The following FSIP2 variants were observed in gnomAD, a reference collection of about 807,000 sequenced individuals.
The protein encoded by FSIP2 is fibrous sheath interacting protein 2, also known as fibrous sheath-interacting protein 2.
Under a neutral mutation model 510.5 loss-of-function variants are expected in FSIP2, and 367 were observed. The ratio of observed to expected loss-of-function variants is 0.72; its 90% CI spans 0.66 to 0.78. The LOEUF (loss-of-function observed/expected upper bound fraction) is 0.78, where lower values mean the gene tolerates loss of function less well. Among genes scored for constraint, FSIP2 ranks in the 30% least tolerant of loss-of-function variants. The probability of loss-of-function intolerance (pLI) is 0.00; values close to 1 mark genes in which losing one functional copy is unlikely to be tolerated. For missense variants in FSIP2, 7,594 were observed against 7,901.7 expected (o/e 0.96, Z 1.48); for synonymous variants, 2,601 against 2,732.2 (o/e 0.95, Z 1.50).
rs1292724087 is a variant in FSIP2, at chr2:185,802,097, G to A, written c.12791G>A (p.Ser4264Asn). 2 of 1,533,502 alleles carry A rather than the reference G, an allele frequency of 1.3e-6. No homozygotes were observed. Among genetic ancestry groups the A allele is most frequent in the African/African-American group, 1.4e-5 (1 of 72,942 alleles). The allele number at this position is 1,533,502 out of a possible 1,614,324, so 95.0% of individuals were successfully genotyped here. The change falls in exon 17 of 23, where the codon AGT (serine) becomes AAT (asparagine). Residue 4264 changes from serine to asparagine, a missense_variant. Coordinates refer to ENST00000424728, the MANE Select transcript of FSIP2 (RefSeq NM_173651.4). ...IIENHLQPFLSGEVLCHPRTP... is the reference protein window; with the variant it reads ...IIENHLQPFLNGEVLCHPRTP... ...GAAAATCATCTTCAACCATTTTTGA[G>A]TGGAGAGGTTTTATGTCATCCAAGG...
rs1559027268 is a variant in FSIP2, at chr2:185,792,571, ACAATGTTGATGAGC to A, written c.5439_5452del (p.Val1814SerfsTer10). The A allele has an allele frequency of 6.5e-7, 1 of 1,533,784 alleles. No homozygotes were observed. Among genetic ancestry groups the A allele is most frequent in the Non-Finnish European group, 8.7e-7 (1 of 1,145,272 alleles). Reference sequence around the variant, plus strand: ...CACTCTAATTTTAATGGCATGCCTCACAATGTTGATGAGCCAACTCCCCAAACATCTGTTCAATT... The same window carrying A: ...CACTCTAATTTTAATGGCATGCCTCACAACTCCCCAAACATCTGTTCAATT... On this transcript the variant is annotated frameshift_variant, in exon 16 of 23. Coordinates refer to ENST00000424728, the MANE Select transcript of FSIP2 (RefSeq NM_173651.4). LOFTEE classifies it high-confidence loss of function.
At chr2:185,786,133 A>G (rs1175170054) in intron 14 of FSIP2, 119 bp from the exon 15 acceptor site, 2 of 664,420 alleles carry the variant, frequency 3.0e-6, no homozygotes, top group African/African-American at 1.8e-5. Context: ...CTTCATTTTG[A>G]ATTTCTAGAG....
chr2:185,771,273 C>T (rs201354253), intron 13 of FSIP2, among the ~76,000 whole-genome samples: 42 of 152,190 alleles, frequency 2.8e-4, no homozygotes, highest in East Asian at 5.8e-4. Flanking sequence ...AGTGTGAGTT[C>T]TTCAATCCCA....
chr2:185,831,787 GTT>G lies in FSIP2; in HGVS notation c.20518-24_20518-23del. 3 of 1,521,278 alleles carry G rather than the reference GTT, an allele frequency of 2.0e-6. No homozygotes were observed. The East Asian group carries it at 6.8e-5, about 34-fold the overall frequency. 94.2% of individuals were successfully genotyped at this position (1,521,278 alleles called of 1,614,324 possible). A position where few individuals can be genotyped will look rare whatever the true frequency, so the allele number is the denominator to read the frequency against. On this transcript the variant is annotated intron_variant, in intron 21 of 22. Transcript: ENST00000424728. Reference sequence around the variant, plus strand: ...GTGTTTGTGTCCAGTGAAAGACTCAGTTTGTATTTCAATTTACCTTGGCAGTT... The same window carrying G: ...GTGTTTGTGTCCAGTGAAAGACTCAGTGTATTTCAATTTACCTTGGCAGTT...
At chr2:185,811,913 A>G (rs1278771826) in intron 17 of FSIP2, among the ~76,000 whole-genome samples, 2 of 152,134 alleles carry the variant, frequency 1.3e-5, no homozygotes, top group Non-Finnish European at 2.9e-5. Flanking sequence ...CCTAGATTTC[A>G]GAGGGTGTAT....
At position 185,793,662 on chromosome 2, in the gene FSIP2, A is replaced by G; in HGVS notation, c.6526A>G (p.Asn2176Asp). 6.5e-7 allele frequency: 1 copy of G among 1,534,808 alleles called. No individual in the cohort carries two copies. Among genetic ancestry groups the G allele is most frequent in the Non-Finnish European group, 8.7e-7 (1 of 1,145,864 alleles). ...CAGTTCTGCTGCCACGCTTGTCATA[A>G]ATGCAAAGAATCCTACTTCTGCAAG... ...NLSSAATLVI[N>D]AKNPTSARLP... is the part of the protein sequence containing the mutation. Residue 2176 changes from asparagine (N) to aspartate (D), a missense_variant, in exon 16 of 23, where the codon AAT (asparagine) becomes GAT (aspartate). Asn to Asp is a conservative substitution (Grantham distance 23, BLOSUM62 1). Coordinates refer to ENST00000424728, the MANE Select transcript of FSIP2 (RefSeq NM_173651.4).
chr2:185,794,030 C>T lies in FSIP2; in HGVS notation c.6894C>T (p.Ile2298=). ...AAAATTGTAAACAAAATGACAGCAT[C>T]TTTTATGATTCAAGCCAAGTGGAAT... is the stretch of plus-strand genomic sequence containing the variant. ...ELENCKQNDS[I]FYDSSQVESD... The change falls in exon 16 of 23, where the codon ATC becomes ATT. Residue 2298 remains isoleucine, a synonymous_variant. Transcript: ENST00000424728. The T allele has an allele frequency of 6.5e-7, 1 of 1,533,812 alleles. No individual in the cohort carries two copies. Among genetic ancestry groups the T allele is most frequent in the East Asian group, 2.4e-5 (1 of 40,822 alleles).
Position 185,808,531 on chromosome 2 carries a change from T to G in FSIP2, c.19225T>G (p.Cys6409Gly), listed in dbSNP as rs1261056565. Reference protein sequence around the residue: ...SLIASDPEEHCLNPENTERIY... With the variant: ...SLIASDPEEHGLNPENTERIY... The stretch of plus-strand genomic sequence containing the variant: ...AATAGCTTCTGATCCTGAAGAGCAC[T>G]GTTTAAATCCAGAAAATACAGAAAG... Residue 6409 changes from cysteine to glycine, a missense_variant, in exon 17 of 23, where the codon TGT becomes GGT. Transcript: ENST00000424728. 1 of 1,612,580 alleles carries G rather than the reference T, an allele frequency of 6.2e-7. No homozygotes were observed. Among genetic ancestry groups the G allele is most frequent in the Admixed American group, 1.7e-5 (1 of 59,816 alleles).
At chr2:185,829,239 T>C (rs767074361) in intron 21 of FSIP2, among the ~76,000 whole-genome samples, 22 of 151,902 alleles carry the variant, frequency 1.4e-4, no homozygotes, top group South Asian at 2.1e-4. Context: ...ATGGTTAAAG[T>C]TGTTATCTAA....
intron 7 of FSIP2, among the ~76,000 whole-genome samples, chr2:185,751,720 C>G (rs1692152676): frequency 1.3e-5 from 2 of 150,420 alleles, no homozygotes; most frequent in Non-Finnish European, 1.5e-5. Flanking sequence ...TTGTATATTG[C>G]TTCTTTGTTT....
Position 185,790,929 on chromosome 2 carries a change from C to T in FSIP2, c.3793C>T (p.Arg1265Cys), listed in dbSNP as rs779549333. 56 of 1,523,914 alleles carry T rather than the reference C, an allele frequency of 3.7e-5. No individual in the cohort carries two copies. Among genetic ancestry groups the T allele is most frequent in the Middle Eastern group, 3.4e-4 (2 of 5,902 alleles). The allele number at this position is 1,523,914 out of a possible 1,614,324, so 94.4% of individuals were successfully genotyped here. Residue 1265 changes from arginine (R) to cysteine (C), a missense_variant, in exon 16 of 23, where the codon CGT (arginine) becomes TGT (cysteine). Physicochemically the swap from Arg to Cys is radical, Grantham distance 180. Transcript: ENST00000424728. ...PVDDINDKIIRTIFKRLKSFI... is the reference protein window; with the variant it reads ...PVDDINDKIICTIFKRLKSFI... ...AGATGACATTAATGATAAGATCATT[C>T]GTACAATTTTTAAAAGACTGAAGTC...
rs939238802 is a variant in FSIP2 at position 185,804,638 on chromosome 2, C to T, written c.15332C>T (p.Thr5111Ile). Residue 5111 changes from threonine to isoleucine, a missense_variant, in exon 17 of 23, where the codon ACT becomes ATT. Coordinates refer to ENST00000424728, the MANE Select transcript of FSIP2 (RefSeq NM_173651.4). ...AGCCATGCCTTGCCACCATATATTA[C>T]TGTGTTGCCTCATTCTCTTTTAGAA... Reference protein sequence around the residue: ...KDSHALPPYITVLPHSLLEDM... With the variant: ...KDSHALPPYIIVLPHSLLEDM... 6.5e-7 allele frequency: 1 copy of T among 1,533,234 alleles called. No homozygotes were observed. Among genetic ancestry groups the T allele is most frequent in the Non-Finnish European group, 8.7e-7 (1 of 1,144,848 alleles). 95.0% of individuals were successfully genotyped at this position (1,533,234 alleles called of 1,614,324 possible). A position where few individuals can be genotyped will look rare whatever the true frequency, so the allele number is the denominator to read the frequency against.
intron 7 of FSIP2, among the ~76,000 whole-genome samples, chr2:185,748,289 T>G (rs1411987237): frequency 6.6e-6 from 1 of 151,828 alleles, no homozygotes; most frequent in East Asian, 1.9e-4. Flanking sequence ...TTGTTTTTCT[T>G]TCTTCTTTAT....
At chr2:185,812,170 T>C (rs1693745986) in intron 17 of FSIP2, among the ~76,000 whole-genome samples, 1 of 152,080 alleles carries the variant, frequency 6.6e-6, no homozygotes, top group Admixed American at 6.6e-5. Flanking sequence ...TCTAAGAGTA[T>C]CCACCAGTGC....
At chr2:185,815,604 G>GGCA (rs1693811424) in intron 19 of FSIP2, 133 bp downstream of exon 19, 1 of 501,530 alleles carries the variant, frequency 2.0e-6, no homozygotes. Context: ...TCCCTTCAGT[G>GGCA]GCACCCTACT....
In FSIP2 at chr2:185,795,643, T is replaced by C; in HGVS notation, c.8507T>C (p.Ile2836Thr). The C allele has an allele frequency of 6.5e-7, 1 of 1,534,572 alleles. No individual in the cohort carries two copies. The highest frequency in any genetic ancestry group is 1.2e-5 in the South Asian group (1 of 83,916). ...GAGCACATTTTTCCTAGAGAAGGTA[T>C]ATTTAAAAAATTGTTTGACAAGTGG... ...QLEHIFPREG[I>T]FKKLFDKWQT... The change falls in exon 16 of 23, where the codon ATA (isoleucine) becomes ACA (threonine). Residue 2836 changes from isoleucine to threonine, a missense_variant. Ile to Thr is a moderately conservative substitution (Grantham distance 89, BLOSUM62 -1). Transcript: ENST00000424728.
At position 185,792,430 on chromosome 2, in the gene FSIP2, T is replaced by C. The variant is rs1016225560; in HGVS notation, c.5294T>C (p.Ile1765Thr). Residue 1765 changes from isoleucine to threonine, a missense_variant, in exon 16 of 23, where the codon ATT becomes ACT. By Grantham distance (89) the Ile-to-Thr change is moderately conservative. Coordinates refer to ENST00000424728, the MANE Select transcript of FSIP2 (RefSeq NM_173651.4). ...GCTCTCGAAAAAACCTTAAACAAAA[T>C]TGAAGTAAAACTCAAAGAACCACAT... The part of the protein sequence containing the change: ...QWALEKTLNK[I>T]EVKLKEPHIS... The C allele has an allele frequency of 2.0e-6, 3 of 1,533,660 alleles. No homozygotes were observed. Among genetic ancestry groups the C allele is most frequent in the Non-Finnish European group, 2.6e-6 (3 of 1,145,194 alleles).
chr2:185,753,368 C>G (rs556066601), intron 7 of FSIP2, among the ~76,000 whole-genome samples: 2 of 151,280 alleles, frequency 1.3e-5, no homozygotes, highest in Admixed American at 6.6e-5. Context: ...ATGTTTACCT[C>G]TGGTAGACCT....
chr2:185,791,983 A>C lies in FSIP2; in HGVS notation c.4847A>C (p.Lys1616Thr). The C allele has an allele frequency of 2.0e-6, 3 of 1,533,960 alleles. No homozygotes were observed. The highest frequency in any genetic ancestry group is 2.6e-6 in the Non-Finnish European group (3 of 1,145,386). Residue 1616 changes from lysine (K) to threonine (T), a missense_variant, in exon 16 of 23, where the codon AAG (lysine) becomes ACG (threonine). By Grantham distance (78) the Lys-to-Thr change is moderately conservative. Transcript: ENST00000424728. ...AINDGNKKSNKIGWEYESTNI... is the reference protein window; with the variant it reads ...AINDGNKKSNTIGWEYESTNI... ...AATGATGGAAATAAGAAAAGCAATA[A>C]GATAGGCTGGGAATATGAAAGCACC...
Sources: allele counts gnomAD v4.1 joint callset (sites outside exome capture counted in the v4.1 genomes callset), GRCh38; gene constraint gnomAD v4.1.1; transcripts MANE v1.5; gene names NCBI Gene and HGNC (gene_info 2026-07-23, HGNC 2026-07-21).